LINGO2: variants seen among roughly 807,000 people sequenced by gnomAD.
LINGO2 encodes leucine rich repeat and Ig domain containing 2, also known as leucine-rich repeat and immunoglobulin-like domain-containing nogo receptor-interacting protein 2.
In LINGO2, 14 loss-of-function variants were observed where a neutral mutation model predicts 30.6. The observed-to-expected ratio is 0.46, with a 90% CI of 0.30 to 0.72. The LOEUF is 0.72. LINGO2 is among the 30% of genes least tolerant of loss of function. LINGO2 has a pLI of 0.07. For missense variants in LINGO2, 729 were observed against 751.7 expected, an observed-to-expected ratio of 0.97 and a Z score of 0.35; for synonymous variants, 317 against 288.5, an observed-to-expected ratio of 1.10 and a Z score of -1.00.
At chr9:28,565,025 C>G (rs1406445105) in intron 1 of LINGO2, among the ~76,000 whole-genome samples, 1 of 152,104 alleles carries the variant, frequency 6.6e-6, no homozygotes, top group Non-Finnish European at 1.5e-5. Flanking sequence ...TCCAAATTTA[C>G]AAACTGAAAT....
At chr9:28,342,422 G>T (rs1410816779) in intron 3 of LINGO2, among the ~76,000 whole-genome samples, 1 of 152,112 alleles carries the variant, frequency 6.6e-6, no homozygotes, top group Non-Finnish European at 1.5e-5. Flanking sequence ...CAATTATGGA[G>T]ATGTACAATT....
At chr9:28,356,450 G>A (rs754024913) in intron 3 of LINGO2, among the ~76,000 whole-genome samples, 6 of 152,076 alleles carry the variant, frequency 3.9e-5, no homozygotes, top group Non-Finnish European at 7.4e-5. Context: ...AGTTGAATGA[G>A]TGCCTTATTG....
At chr9:29,080,539 G>A in the LINGO2 span, among the ~76,000 whole-genome samples, 180 of 152,070 alleles carry the variant, frequency 1.2e-3, 1 homozygote, top group African/African-American at 4.0e-3. Flanking sequence ...TGATGTTAGC[G>A]TGTCAATTTT....
At chr9:28,378,452 G>A (rs1821215514) in intron 2 of LINGO2, among the ~76,000 whole-genome samples, 1 of 152,104 alleles carries the variant, frequency 6.6e-6, no homozygotes, top group South Asian at 2.1e-4. Context: ...AATAAATACA[G>A]GAAACACTTT....
chr9:29,140,891 A>G, the LINGO2 span, among the ~76,000 whole-genome samples: 3 of 152,014 alleles, frequency 2.0e-5, no homozygotes, highest in Admixed American at 1.3e-4. Flanking sequence ...TACTAGAAGA[A>G]AAAAAGAACC....
At chr9:28,894,942 G>A in the LINGO2 span, among the ~76,000 whole-genome samples, 5 of 152,032 alleles carry the variant, frequency 3.3e-5, no homozygotes, top group Admixed American at 2.0e-4. Context: ...TACAATAGAT[G>A]TAAACTTATT....
intron 1 of LINGO2, among the ~76,000 whole-genome samples, chr9:28,492,335 C>T (rs1029791527): frequency 1.3e-4 from 20 of 152,132 alleles, no homozygotes; most frequent in African/African-American, 4.8e-4. Context: ...ATTGAGAACA[C>T]ATAGCATTAA....
chr9:28,684,589 A>T, the LINGO2 span, among the ~76,000 whole-genome samples: 1 of 146,018 alleles, frequency 6.8e-6, no homozygotes, highest in Non-Finnish European at 1.5e-5. Flanking sequence ...GGTTCAAGTG[A>T]TTCTCTGCAA....
the LINGO2 span, among the ~76,000 whole-genome samples, chr9:28,823,678 C>G: frequency 6.6e-6 from 1 of 152,142 alleles, no homozygotes; most frequent in Non-Finnish European, 1.5e-5. Context: ...CATACATAGC[C>G]CTGGATTAGC....
intron 4 of LINGO2, among the ~76,000 whole-genome samples, chr9:28,277,650 A>C (rs1486073901): frequency 2.0e-5 from 3 of 151,878 alleles, no homozygotes; most frequent in Admixed American, 6.6e-5. Context: ...CTAAAAACAC[A>C]CACAAAAAAT....
chr9:29,050,541 G>A, the LINGO2 span, among the ~76,000 whole-genome samples: 1 of 152,274 alleles, frequency 6.6e-6, no homozygotes, highest in Admixed American at 6.5e-5. Flanking sequence ...ATGGTGAGTG[G>A]GAATAGGGGA....
At chr9:28,775,512 G>A in the LINGO2 span, among the ~76,000 whole-genome samples, 1 of 152,116 alleles carries the variant, frequency 6.6e-6, no homozygotes, top group Non-Finnish European at 1.5e-5. Flanking sequence ...TAGTTCCCTG[G>A]TCAATTATGT....
chr9:29,068,425 G>A, the LINGO2 span, among the ~76,000 whole-genome samples: 3 of 151,682 alleles, frequency 2.0e-5, no homozygotes, highest in South Asian at 6.2e-4. Flanking sequence ...GTAATGTCTT[G>A]CAATATAAAC....
chr9:28,476,220 G>T (rs369132904), intron 1 of LINGO2, among the ~76,000 whole-genome samples, 195 bp from the exon 4 acceptor site: 1 of 152,142 alleles, frequency 6.6e-6, no homozygotes, highest in Non-Finnish European at 1.5e-5. Flanking sequence ...ATATTGTTAT[G>T]TTTATCTGCA....
the LINGO2 span, among the ~76,000 whole-genome samples, chr9:28,841,730 T>C: frequency 6.6e-6 from 1 of 151,588 alleles, no homozygotes; most frequent in Non-Finnish European, 1.5e-5. Context: ...AAGTAAGCAA[T>C]GAGTATTTAG....
the LINGO2 span, among the ~76,000 whole-genome samples, chr9:29,159,827 T>A: frequency 2.6e-4 from 33 of 126,428 alleles, no homozygotes; most frequent in South Asian, 6.7e-3. Context: ...CACTCCAGCC[T>A]GGGCCAAAAA....
the LINGO2 span, among the ~76,000 whole-genome samples, chr9:28,934,258 A>G: frequency 6.6e-6 from 1 of 152,368 alleles, no homozygotes; most frequent in South Asian, 2.1e-4. Flanking sequence ...TTTCAAGAGA[A>G]CACTATCCTT....
At chr9:28,292,179 A>G (rs1179392908) in intron 4 of LINGO2, among the ~76,000 whole-genome samples, 1 of 152,188 alleles carries the variant, frequency 6.6e-6, no homozygotes, top group Non-Finnish European at 1.5e-5. Flanking sequence ...GGGACAGCAG[A>G]GTGTGATCGG....
chr9:28,244,726 C>T (rs772031934), intron 4 of LINGO2, among the ~76,000 whole-genome samples: 10 of 151,688 alleles, frequency 6.6e-5, no homozygotes, highest in African/African-American at 2.2e-4. Context: ...TTCCTGGACA[C>T]ATACACCCTC....
Sources: gnomAD v4.1 joint callset for allele counts (sites outside exome capture counted in the v4.1 genomes callset) on GRCh38, gnomAD v4.1.1 for gene constraint, MANE v1.5 for transcripts, NCBI Gene and HGNC (gene_info 2026-07-23, HGNC 2026-07-21) for gene names.